AOPEP: variants seen among roughly 807,000 people sequenced by gnomAD.
AOPEP encodes aminopeptidase O.
A neutral mutation model predicts 98.1 loss-of-function variants in AOPEP; 77 were observed. The observed-to-expected ratio is 0.78, with a 90% CI of 0.65 to 0.95. AOPEP has a LOEUF of 0.95. AOPEP is among the 40% of genes least tolerant of loss of function. The pLI is 0.00. For synonymous variants in AOPEP, 346 were observed against 365.3 expected (o/e 0.95, Z 0.60); for missense variants, 1,024 against 1,024.7 (o/e 1.00, Z 0.01).
rs146813088 is a variant in AOPEP, at chr9:95,045,692, A to G, written c.2116-15002A>G. Among the ~76,000 whole-genome samples, 159 of 152,106 alleles carry G rather than the reference A, an allele frequency of 1.0e-3. 2 individuals are homozygous for G. The East Asian group carries it at 0.012, about 12-fold the overall frequency. ...GGGCCAGGTGTTTTCTTTTTTTTCTATGGATGATTGTGGTCCTCGTGCTTC... is the reference window on the plus strand; with the variant it reads ...GGGCCAGGTGTTTTCTTTTTTTTCTGTGGATGATTGTGGTCCTCGTGCTTC... On this transcript the variant is annotated intron_variant, in intron 13 of 16. Coordinates refer to ENST00000375315, the MANE Select transcript of AOPEP (RefSeq NM_001193329.3).
At chr9:95,012,450 T>G (rs2062603898) in intron 13 of AOPEP, among the ~76,000 whole-genome samples, 2 of 152,228 alleles carry the variant, frequency 1.3e-5, no homozygotes, top group Non-Finnish European at 2.9e-5. Flanking sequence ...ATTTCGTGGC[T>G]TTTTAGTTAC....
chr9:95,082,754 C>G, intron 16 of AOPEP, 35 bp downstream of exon 16: 1 of 1,610,306 alleles, frequency 6.2e-7, no homozygotes, highest in Non-Finnish European at 8.5e-7. Context: ...TCATTTAGTT[C>G]TAACCAGATA....
intron 5 of AOPEP, among the ~76,000 whole-genome samples, chr9:94,910,410 C>T (rs1272541082): frequency 1.3e-5 from 2 of 152,220 alleles, no homozygotes; most frequent in South Asian, 2.1e-4. Context: ...GGCTTCCGAG[C>T]GAGGACTGGG....
chr9:94,902,062 CAGG>C (rs2050485893), intron 5 of AOPEP, among the ~76,000 whole-genome samples: 1 of 152,036 alleles, frequency 6.6e-6, no homozygotes, highest in African/African-American at 2.4e-5. Context: ...GTGTCTAGAC[CAGG>C]ACCACTGGTC....
intron 13 of AOPEP, among the ~76,000 whole-genome samples, chr9:95,043,048 G>T (rs937612932): frequency 4.0e-5 from 6 of 151,800 alleles, no homozygotes; most frequent in African/African-American, 1.5e-4. Context: ...CAAGGCAAGA[G>T]GATCTCTTTA....
the AOPEP span, among the ~76,000 whole-genome samples, chr9:95,098,500 C>T: frequency 6.6e-6 from 1 of 152,228 alleles, no homozygotes; most frequent in East Asian, 1.9e-4. Context: ...CCCTCAGGCG[C>T]CCTCCTGACC....
At chr9:94,948,040 A>G (rs553783533) in intron 7 of AOPEP, among the ~76,000 whole-genome samples, 2 of 152,326 alleles carry the variant, frequency 1.3e-5, no homozygotes, top group African/African-American at 4.8e-5. Context: ...TTTCATAGGC[A>G]AACAGTTAAT....
intron 5 of AOPEP, among the ~76,000 whole-genome samples, chr9:94,821,885 GTT>G (rs918217477): frequency 1.3e-5 from 2 of 151,044 alleles, no homozygotes; most frequent in Non-Finnish European, 3.0e-5. Context: ...AGCATGGCAA[GTT>G]TTTTTTTGTA....
intron 5 of AOPEP, among the ~76,000 whole-genome samples, chr9:94,823,934 C>G (rs1426859832): frequency 1.3e-5 from 2 of 152,112 alleles, no homozygotes; most frequent in Non-Finnish European, 2.9e-5. Flanking sequence ...GTATCACACC[C>G]AGCTTACTAT....
the AOPEP span, chr9:95,149,783 T>G: frequency 1.0e-6 from 1 of 996,758 alleles, no homozygotes; most frequent in South Asian, 1.4e-5. Flanking sequence ...CTGGCCGGGA[T>G]ACTCAGTAAT....
intron 11 of AOPEP, among the ~76,000 whole-genome samples, chr9:95,000,595 C>T (rs1208136941): frequency 2.0e-5 from 3 of 152,068 alleles, no homozygotes; most frequent in Admixed American, 2.0e-4. Flanking sequence ...GTAATCCCAG[C>T]TACTGGGGAG....
intron 13 of AOPEP, among the ~76,000 whole-genome samples, chr9:95,043,105 G>A (rs73524654): frequency 9.6e-5 from 9 of 93,782 alleles, no homozygotes; most frequent in Non-Finnish European, 1.7e-4. Flanking sequence ...AGACCCCCCA[G>A]CCACCTCATC....
intron 1 of AOPEP, among the ~76,000 whole-genome samples, chr9:94,753,632 T>C (rs1405969271): frequency 6.6e-6 from 1 of 152,206 alleles, no homozygotes; most frequent in Non-Finnish European, 1.5e-5. Flanking sequence ...ACTGTAATTG[T>C]GATAAATGTA....
intron 5 of AOPEP, among the ~76,000 whole-genome samples, chr9:94,877,295 T>C (rs112109208): frequency 7.2e-5 from 11 of 152,326 alleles, no homozygotes; most frequent in African/African-American, 2.6e-4. Flanking sequence ...AATTTATTTG[T>C]CTGTAAATCT....
At chr9:94,893,167 C>T (rs1159386551) in intron 5 of AOPEP, among the ~76,000 whole-genome samples, 1 of 152,172 alleles carries the variant, frequency 6.6e-6, no homozygotes, top group African/African-American at 2.4e-5. Flanking sequence ...GGCAACTGAA[C>T]TCTAGAGTAT....
chr9:95,094,308 TTCGA>T, the AOPEP span, among the ~76,000 whole-genome samples: 2 of 152,216 alleles, frequency 1.3e-5, no homozygotes, highest in African/African-American at 4.8e-5. Context: ...TATAATCTTT[TTCGA>T]TCTTAGTGCT....
At chr9:94,782,124 A>T (rs1408122385) in intron 3 of AOPEP, among the ~76,000 whole-genome samples, 1 of 151,664 alleles carries the variant, frequency 6.6e-6, no homozygotes, top group Non-Finnish European at 1.5e-5. Context: ...CGGGAGGCGG[A>T]GGTTGCAGTG....
At chr9:94,954,023 A>G (rs1444030581) in intron 7 of AOPEP, among the ~76,000 whole-genome samples, 2 of 152,162 alleles carry the variant, frequency 1.3e-5, no homozygotes, top group Non-Finnish European at 2.9e-5. Flanking sequence ...TGTCACTACA[A>G]ATCAAAACAA....
In AOPEP at chr9:94,916,248, C is replaced by T. The variant is rs2046949057; in HGVS notation, c.1365-7738C>T. Among the ~76,000 whole-genome samples the T allele has an allele frequency of 2.6e-5, 4 of 152,010 alleles. No homozygotes were observed. The South Asian group carries it at 8.3e-4, about 32-fold the overall frequency. On this transcript the variant is annotated intron_variant, in intron 5 of 16. Transcript: ENST00000375315. ...GATTGGGGAGGACGGAGGTGGGGGC[C>T]GTGGGGAGGTGAGGGAGTGGAATCA...
Sources: gnomAD v4.1 joint callset for allele counts (sites outside exome capture counted in the v4.1 genomes callset) on GRCh38, gnomAD v4.1.1 for gene constraint, MANE v1.5 for transcripts, NCBI Gene and HGNC (gene_info 2026-07-23, HGNC 2026-07-21) for gene names.